THSD7A: variants seen among roughly 807,000 people sequenced by gnomAD.
The protein encoded by THSD7A is thrombospondin type 1 domain containing 7A.
In THSD7A, 96 loss-of-function variants were observed where a neutral mutation model predicts 231.3. That is an observed-to-expected ratio of 0.41 (90% CI 0.35 to 0.49). The LOEUF is 0.49. THSD7A is among the 20% of genes least tolerant of loss of function. The pLI is 0.05. For synonymous variants in THSD7A, 940 were observed against 743.3 expected (o/e 1.26, Z -4.30); for missense variants, 2,290 against 2,070.2 (o/e 1.11, Z -2.06).
chr7:11,794,121 T>C (rs1479712243), intron 1 of THSD7A, among the ~76,000 whole-genome samples: 1 of 151,946 alleles, frequency 6.6e-6, no homozygotes, highest in Non-Finnish European at 1.5e-5. Flanking sequence ...TATTCTAACA[T>C]ATGTAATTTC....
intron 23 of THSD7A, among the ~76,000 whole-genome samples, chr7:11,393,727 A>G (rs1040826176): frequency 1.3e-5 from 2 of 152,272 alleles, no homozygotes; most frequent in African/African-American, 4.8e-5. Context: ...ATACACAAGT[A>G]TCAATAGCCA....
chr7:11,469,173 G>T (rs1785833623), intron 9 of THSD7A, among the ~76,000 whole-genome samples: 1 of 152,096 alleles, frequency 6.6e-6, no homozygotes, highest in African/African-American at 2.4e-5. Context: ...ATAAGAAATA[G>T]GAGACAGCGT....
chr7:11,702,226 G>C (rs1440362495), intron 1 of THSD7A, among the ~76,000 whole-genome samples: 1 of 151,088 alleles, frequency 6.6e-6, no homozygotes, highest in African/African-American at 2.4e-5. Flanking sequence ...GATGTGGCTG[G>C]GTTCTCTCTG....
chr7:11,819,835 T>A (rs114080886), intron 1 of THSD7A, among the ~76,000 whole-genome samples: 61 of 152,270 alleles, frequency 4.0e-4, no homozygotes, highest in African/African-American at 1.4e-3. Flanking sequence ...AATAATGTAG[T>A]AATATTGGTT....
chr7:11,501,205 A>G (rs1020293153), intron 6 of THSD7A, among the ~76,000 whole-genome samples: 1 of 152,210 alleles, frequency 6.6e-6, no homozygotes, highest in Non-Finnish European at 1.5e-5. Context: ...CTCCACTGAC[A>G]GTATTAGACA....
chr7:11,809,413 G>C (rs969061054), intron 1 of THSD7A, among the ~76,000 whole-genome samples: 10 of 152,110 alleles, frequency 6.6e-5, no homozygotes, highest in Admixed American at 6.6e-4. Flanking sequence ...GTGGCTGTCT[G>C]TTGCTTATCT....
At chr7:11,564,233 T>C (rs1036273871) in intron 4 of THSD7A, among the ~76,000 whole-genome samples, 4 of 152,240 alleles carry the variant, frequency 2.6e-5, no homozygotes, top group South Asian at 2.1e-4. Context: ...CTTTATATTC[T>C]AGTTTTAACT....
chr7:11,739,949 A>G (rs538642133), intron 1 of THSD7A, among the ~76,000 whole-genome samples: 10 of 152,116 alleles, frequency 6.6e-5, no homozygotes, highest in Admixed American at 5.9e-4. Context: ...CTTGGTATCA[A>G]AACAATGGAT....
intron 6 of THSD7A, among the ~76,000 whole-genome samples, chr7:11,487,176 C>T (rs1471019668): frequency 6.6e-6 from 1 of 152,156 alleles, no homozygotes; most frequent in Non-Finnish European, 1.5e-5. Context: ...AATGCCACCA[C>T]ACTCTCATGA....
intron 6 of THSD7A, among the ~76,000 whole-genome samples, chr7:11,503,703 CA>C (rs913227626): frequency 6.6e-6 from 1 of 151,908 alleles, no homozygotes; most frequent in Non-Finnish European, 1.5e-5. Context: ...CAAGCATATG[CA>C]AAAAAGCTCA....
chr7:11,502,630 T>C (rs1787384286), intron 6 of THSD7A, among the ~76,000 whole-genome samples: 1 of 152,134 alleles, frequency 6.6e-6, no homozygotes, highest in Non-Finnish European at 1.5e-5. Context: ...AAAACCAATG[T>C]ACAAAAATCA....
At chr7:11,404,829 T>G (rs1005958441) in intron 22 of THSD7A, among the ~76,000 whole-genome samples, 2 of 152,328 alleles carry the variant, frequency 1.3e-5, no homozygotes, top group East Asian at 3.9e-4. Context: ...TAACACATTT[T>G]TAGGTATACA....
chr7:11,541,440 C>A lies in THSD7A; in HGVS notation c.1801G>T (p.Val601Phe). Residue 601 changes from valine (V) to phenylalanine (F), a missense_variant, in exon 6 of 28, where the codon GTT (valine) becomes TTT (phenylalanine). Physicochemically the swap from Val to Phe is conservative, Grantham distance 50. Transcript: ENST00000423059. The part of the protein sequence containing the change: ...ECGPGTQVQE[V>F]VCINSDGEEV... ...TTACCATCACTGTTGATGCACACAA[C>A]CTCTTGAACTTGCGTGCCTGGACCA... 1 of 1,613,930 alleles carries A rather than the reference C, an allele frequency of 6.2e-7. No homozygotes were observed. The highest frequency in any genetic ancestry group is 8.5e-7 in the Non-Finnish European group (1 of 1,179,880).
At chr7:11,694,289 A>C (rs1368493398) in intron 1 of THSD7A, among the ~76,000 whole-genome samples, 1 of 151,572 alleles carries the variant, frequency 6.6e-6, no homozygotes, top group African/African-American at 2.4e-5. Flanking sequence ...GGTGAAAAGT[A>C]GCCCAACTGT....
At chr7:11,477,217 G>C (rs1420506821) in intron 7 of THSD7A, among the ~76,000 whole-genome samples, 2 of 152,096 alleles carry the variant, frequency 1.3e-5, no homozygotes, top group Non-Finnish European at 2.9e-5. Context: ...ATCTTGAACA[G>C]TTTTTCAATT....
At chr7:11,452,934 A>C (rs1169951676) in intron 11 of THSD7A, among the ~76,000 whole-genome samples, 1 of 152,034 alleles carries the variant, frequency 6.6e-6, no homozygotes, top group African/African-American at 2.4e-5. Flanking sequence ...ATCAGCCAAA[A>C]AAGAGATTAA....
chr7:11,484,874 A>ATTTTTTTTTTTTTTTTTTTTTTTTTTT (rs56353626), intron 6 of THSD7A, among the ~76,000 whole-genome samples: 3 of 53,796 alleles, frequency 5.6e-5, no homozygotes, highest in African/African-American at 7.5e-5. Context: ...CACAACCTTA[A>ATTTTTTTTTTTTTTTTTTTTTTTTTTT]TTTTTTTTTT....
chr7:11,473,887 T>G, intron 8 of THSD7A, among the ~76,000 whole-genome samples: 1 of 152,136 alleles, frequency 6.6e-6, no homozygotes, highest in East Asian at 1.9e-4. Context: ...TTTGATATAG[T>G]GTTTTCTAGG....
chr7:11,372,404 A>C lies in THSD7A; in HGVS notation c.*3390T>G, dbSNP rs1163645399. On this transcript the variant is annotated 3_prime_UTR_variant, in exon 28 of 28. Transcript: ENST00000423059. Reference sequence around the variant, plus strand: ...GTCAATAAATATTTGCCTTGTTAGAAGTAATTTGTGCTTTGTTATAAGTAA... The same window carrying C: ...GTCAATAAATATTTGCCTTGTTAGACGTAATTTGTGCTTTGTTATAAGTAA... 2 of 151,334 alleles carry C rather than the reference A, an allele frequency of 1.3e-5. No individual in the cohort carries two copies. Among genetic ancestry groups the C allele is most frequent in the Non-Finnish European group, 2.9e-5 (2 of 67,904 alleles). The allele number at this position is 151,334 out of a possible 1,614,324, so 9.4% of individuals were successfully genotyped here.
Sources: gnomAD v4.1 joint callset for allele counts (sites outside exome capture counted in the v4.1 genomes callset) on GRCh38, gnomAD v4.1.1 for gene constraint, MANE v1.5 for transcripts, NCBI Gene and HGNC (gene_info 2026-07-23, HGNC 2026-07-21) for gene names.